Variants in UBQLN1 observed in about 807,000 individuals in gnomAD.
The protein encoded by UBQLN1 is ubiquilin-1.
Under a neutral mutation model 65.4 loss-of-function variants are expected in UBQLN1, and 13 were observed. The ratio of observed to expected loss-of-function variants is 0.20; its 90% CI spans 0.13 to 0.32. UBQLN1 has a LOEUF of 0.32. Ranked by LOEUF, UBQLN1 falls within the 10% of genes least tolerant of loss-of-function variation. The pLI, the probability that UBQLN1 is intolerant of heterozygous loss-of-function variation, is 1.00. For synonymous variants in UBQLN1, 267 were observed against 247.8 expected, an observed-to-expected ratio of 1.08 and a Z score of -0.73; for missense variants, 561 against 724.0, an observed-to-expected ratio of 0.77 and a Z score of 2.58.
chr9:83,690,231 T>G (rs982533073), intron 1 of UBQLN1, among the ~76,000 whole-genome samples: 4 of 152,228 alleles, frequency 2.6e-5, no homozygotes, highest in African/African-American at 9.6e-5. Flanking sequence ...AACTATAGTA[T>G]AGTCATTTGA....
At chr9:83,680,123 T>C (rs1350039159) in intron 3 of UBQLN1, 86 bp from the exon 4 acceptor site, 1 of 1,367,832 alleles carries the variant, frequency 7.3e-7, no homozygotes, top group Non-Finnish European at 9.9e-7. Context: ...TGCAAAAAAG[T>C]ATTAGCTGAC....
At chr9:83,669,444 T>A in intron 6 of UBQLN1, 117 bp from the exon 7 acceptor site, 4 of 954,704 alleles carry the variant, frequency 4.2e-6, no homozygotes, top group South Asian at 1.9e-5. Context: ...ATTATACATA[T>A]TATGTATCAA....
intron 1 of UBQLN1, among the ~76,000 whole-genome samples, chr9:83,696,003 G>A (rs761062931): frequency 2.1e-4 from 32 of 151,698 alleles, no homozygotes; most frequent in South Asian, 4.2e-4. Context: ...GCAGTCGCAC[G>A]ATCTCAGCTC....
Position 83,691,200 on chromosome 9 carries a change from T to C in UBQLN1, c.181-5045A>G, listed in dbSNP as rs201039961. On this transcript the variant is annotated intron_variant, in intron 1 of 10. Coordinates refer to ENST00000376395, the MANE Select transcript of UBQLN1 (RefSeq NM_013438.5). ...CATATATATATACACATATAATACA[T>C]ATATATATATATGCCTCATCTTGGG... 9.6e-4 allele frequency among the ~76,000 whole-genome samples: 63 copies of C among 65,394 alleles called. No homozygotes were observed. The Admixed American group carries it at 0.012, about 13-fold the overall frequency. The allele number at this position is 65,394 out of a possible 152,430, so 42.9% of individuals were successfully genotyped here.
chr9:83,679,012 C>G (rs41308878), intron 4 of UBQLN1, among the ~76,000 whole-genome samples: 1 of 152,168 alleles, frequency 6.6e-6, no homozygotes, highest in South Asian at 2.1e-4. Flanking sequence ...TGAGCCACCG[C>G]GCCCGGCCAG....
rs35972410 is a variant in UBQLN1, at chr9:83,695,563, A to AT, written c.181-9409dup. On this transcript the variant is annotated intron_variant, in intron 1 of 10. Coordinates refer to ENST00000376395, the MANE Select transcript of UBQLN1 (RefSeq NM_013438.5). ...TTTAAAGCAAAAATATGTAAAAGGT[A>AT]TTTTTTAAATGTAAAAGTTATATCC... is the stretch of plus-strand genomic sequence containing the variant. Among the ~76,000 whole-genome samples, 261 of 152,192 alleles carry AT rather than the reference A, an allele frequency of 1.7e-3. 1 individual carries two copies. Among genetic ancestry groups the AT allele is most frequent in the African/African-American group, 6.1e-3 (254 of 41,576 alleles).
At chr9:83,687,681 T>C (rs1587654359) in intron 1 of UBQLN1, among the ~76,000 whole-genome samples, 1 of 152,252 alleles carries the variant, frequency 6.6e-6, no homozygotes, top group South Asian at 2.1e-4. Flanking sequence ...TATATCATTG[T>C]TGAAAATCAG....
chr9:83,707,723 G>T lies in UBQLN1; in HGVS notation c.-44C>A. The T allele has an allele frequency of 6.6e-7, 1 of 1,510,546 alleles. No individual in the cohort carries two copies. Among genetic ancestry groups the T allele is most frequent in the Non-Finnish European group, 8.8e-7 (1 of 1,138,250 alleles). 93.6% of individuals were successfully genotyped at this position (1,510,546 alleles called of 1,614,324 possible). On this transcript the variant is annotated 5_prime_UTR_variant, in exon 1 of 11. Coordinates refer to ENST00000376395, the MANE Select transcript of UBQLN1 (RefSeq NM_013438.5). ...GGCGGTGACTCAGGCAAGCAGGAGG[G>T]AGCAGGCGAGCAAGGAGGAGCCAGC...
At chr9:83,702,859 G>A (rs762564039) in intron 1 of UBQLN1, among the ~76,000 whole-genome samples, 1 of 152,104 alleles carries the variant, frequency 6.6e-6, no homozygotes, top group Non-Finnish European at 1.5e-5. Flanking sequence ...GACTCAATAC[G>A]TTTAAATTAT....
At chr9:83,672,587 T>G (rs1205377573) in intron 6 of UBQLN1, among the ~76,000 whole-genome samples, 1 of 152,202 alleles carries the variant, frequency 6.6e-6, no homozygotes, top group Non-Finnish European at 1.5e-5. Flanking sequence ...TGATTAAGTT[T>G]GCCAGGTACA....
intron 10 of UBQLN1, among the ~76,000 whole-genome samples, chr9:83,662,347 C>T (rs1030775696): frequency 6.6e-6 from 1 of 151,528 alleles, no homozygotes; most frequent in South Asian, 2.1e-4. Context: ...TGTGTAGCTA[C>T]TGACCAATTG....
intron 1 of UBQLN1, among the ~76,000 whole-genome samples, chr9:83,691,093 G>A (rs895474874): frequency 2.6e-5 from 4 of 152,002 alleles, no homozygotes; most frequent in East Asian, 3.9e-4. Flanking sequence ...AGCCAAAATC[G>A]CGCCACTGCA....
chr9:83,688,359 C>T (rs1219821073), intron 1 of UBQLN1, among the ~76,000 whole-genome samples: 2 of 151,892 alleles, frequency 1.3e-5, no homozygotes, highest in African/African-American at 4.8e-5. Context: ...TTAGATTTGA[C>T]TTCAAAGACA....
At chr9:83,687,933 C>A (rs1353141041) in intron 1 of UBQLN1, among the ~76,000 whole-genome samples, 1 of 152,152 alleles carries the variant, frequency 6.6e-6, no homozygotes, top group African/African-American at 2.4e-5. Flanking sequence ...TATTTGAAAT[C>A]CTATGATATA....
Position 83,690,793 on chromosome 9 carries a change from GCT to G in UBQLN1, c.181-4640_181-4639del, listed in dbSNP as rs932916791. 4.4e-4 allele frequency among the ~76,000 whole-genome samples: 66 copies of G among 151,368 alleles called. 1 individual carries two copies. Among genetic ancestry groups the G allele is most frequent in the Non-Finnish European group, 1.5e-4 (10 of 67,854 alleles). On this transcript the variant is annotated intron_variant, in intron 1 of 10. Transcript: ENST00000376395. ...ACATCAAGAAGTCGAAACACAGCCAGCTCTCCTTAGTATTTCAATTTCAAATT... is the reference window on the plus strand; with the variant it reads ...ACATCAAGAAGTCGAAACACAGCCAGCTCCTTAGTATTTCAATTTCAAATT...
chr9:83,697,790 G>A (rs1832244669), intron 1 of UBQLN1, among the ~76,000 whole-genome samples: 1 of 140,824 alleles, frequency 7.1e-6, no homozygotes, highest in Non-Finnish European at 1.5e-5. Flanking sequence ...AGGCTGGAGT[G>A]CGATGGCACG....
At chr9:83,662,854 C>T (rs1475857638) in intron 10 of UBQLN1, among the ~76,000 whole-genome samples, 2 of 152,114 alleles carry the variant, frequency 1.3e-5, no homozygotes, top group East Asian at 3.9e-4. Context: ...CGGGTGAGAT[C>T]GCTTGAGCTC....
chr9:83,695,291 C>T (rs951504525), intron 1 of UBQLN1, among the ~76,000 whole-genome samples: 4 of 151,834 alleles, frequency 2.6e-5, no homozygotes, highest in African/African-American at 7.3e-5. Flanking sequence ...CTCCACCTCC[C>T]GGGTTCAAGT....
At chr9:83,700,852 C>CATT (rs548130222) in intron 1 of UBQLN1, among the ~76,000 whole-genome samples, 134 of 152,154 alleles carry the variant, frequency 8.8e-4, no homozygotes, top group Non-Finnish European at 1.5e-3. Context: ...CTCGCTACTC[C>CATT]ATTATATATT....
Sources: allele counts gnomAD v4.1 joint callset (sites outside exome capture counted in the v4.1 genomes callset), GRCh38; gene constraint gnomAD v4.1.1; transcripts MANE v1.5; gene names NCBI Gene and HGNC (gene_info 2026-07-23, HGNC 2026-07-21).